Variants in GLDC observed in about 807,000 individuals in gnomAD.
GLDC encodes glycine dehydrogenase (decarboxylating), mitochondrial.
Under a neutral mutation model 121.3 loss-of-function variants are expected in GLDC, and 104 were observed. The ratio of observed to expected loss-of-function variants is 0.86; its 90% CI spans 0.73 to 1.01. The LOEUF (loss-of-function observed/expected upper bound fraction) is 1.01, where lower values mean the gene tolerates loss of function less well. Ranked by LOEUF, GLDC falls within the 50% of genes least tolerant of loss-of-function variation. The probability of loss-of-function intolerance (pLI) is 0.00; values close to 1 mark genes in which losing one functional copy is unlikely to be tolerated. For synonymous variants in GLDC, 546 were observed against 480.6 expected (o/e 1.14, Z -1.78); for missense variants, 1,429 against 1,306.6 (o/e 1.09, Z -1.44).
At chr9:6,631,341 G>A (rs1819373497) in intron 2 of GLDC, among the ~76,000 whole-genome samples, 1 of 152,188 alleles carries the variant, frequency 6.6e-6, no homozygotes, top group African/African-American at 2.4e-5. Flanking sequence ...AGCAGTCTCT[G>A]CAGCTCTTCC....
rs1318774431 is a variant in GLDC at position 6,532,802 on chromosome 9, G to A, written c.*215C>T. 3.6e-6 allele frequency: 2 copies of A among 562,728 alleles called. No individual in the cohort carries two copies. The highest frequency in any genetic ancestry group is 6.4e-6 in the Non-Finnish European group (2 of 312,760). The allele number at this position is 562,728 out of a possible 1,614,324, so 34.9% of individuals were successfully genotyped here. ...CTCCCAATCCAGGCAACTGGCACAT[G>A]TGGAAGCAGAATACCAAAGCAAATC... On this transcript the variant is annotated 3_prime_UTR_variant, in exon 25 of 25. Transcript: ENST00000321612.
chr9:6,563,460 C>G (rs1212911700), intron 16 of GLDC, among the ~76,000 whole-genome samples: 4 of 152,206 alleles, frequency 2.6e-5, no homozygotes, highest in Admixed American at 2.6e-4. Flanking sequence ...TCCCCAGGCT[C>G]CTGGGCACCT....
At chr9:6,586,725 G>A (rs1033039969) in intron 15 of GLDC, among the ~76,000 whole-genome samples, 33 of 152,284 alleles carry the variant, frequency 2.2e-4, no homozygotes, top group South Asian at 1.5e-3. Flanking sequence ...ATCTGGGCTC[G>A]CCTCGTGACT....
At chr9:6,617,942 T>C (rs989289748) in intron 3 of GLDC, among the ~76,000 whole-genome samples, 1 of 152,226 alleles carries the variant, frequency 6.6e-6, no homozygotes, top group African/African-American at 2.4e-5. Context: ...GGTTTTTACA[T>C]ATGTTAATCT....
intron 2 of GLDC, chr9:6,639,107 A>G (rs1005014282): frequency 1.4e-6 from 1 of 717,020 alleles, no homozygotes; most frequent in East Asian, 2.5e-5. Context: ...CTGCCTATTG[A>G]GAATTAATGA....
intron 8 of GLDC, among the ~76,000 whole-genome samples, chr9:6,600,281 T>A (rs941605575): frequency 6.6e-6 from 1 of 151,028 alleles, no homozygotes; most frequent in Non-Finnish European, 1.5e-5. Flanking sequence ...GACCGGAGAA[T>A]AATTTGAGCC....
Position 6,602,162 on chromosome 9 carries a change from T to C in GLDC, c.1102A>G (p.Arg368Gly). ...TTGTCTCTCCGAATGTGTTGCTCCC[T>C]GGTTTGAAGAGCAAGACGATACACT... is the stretch of plus-strand genomic sequence containing the variant. ...KEVYRLALQT[R>G]EQHIRRDKAT... The change falls in exon 8 of 25, where the codon AGG (arginine) becomes GGG (glycine). Residue 368 changes from arginine to glycine, a missense_variant. By Grantham distance (125) the Arg-to-Gly change is moderately radical. Coordinates refer to ENST00000321612, the MANE Select transcript of GLDC (RefSeq NM_000170.3). 1 of 1,613,578 alleles carries C rather than the reference T, an allele frequency of 6.2e-7. No individual in the cohort carries two copies. The highest frequency in any genetic ancestry group is 8.5e-7 in the Non-Finnish European group (1 of 1,179,552).
rs534812123 is a variant in GLDC, at chr9:6,628,671, G to A, written c.335-8352C>T. 3.9e-5 allele frequency among the ~76,000 whole-genome samples: 6 copies of A among 152,322 alleles called. No homozygotes were observed. In the South Asian group the frequency reaches 1.2e-3, roughly 32 times the overall value. On this transcript the variant is annotated intron_variant, in intron 2 of 24. Transcript: ENST00000321612. ...CAGGAGGATTGCTTGAGCCTGGGAG[G>A]TGGAGGCTGCAGTGAGCAGTGATTG... is the stretch of plus-strand genomic sequence containing the variant.
At chr9:6,544,129 G>A (rs1361110185) in intron 21 of GLDC, among the ~76,000 whole-genome samples, 1 of 152,232 alleles carries the variant, frequency 6.6e-6, no homozygotes, top group Non-Finnish European at 1.5e-5. Context: ...GGAAAGCTCT[G>A]CTGGGCAATC....
intron 2 of GLDC, among the ~76,000 whole-genome samples, chr9:6,625,257 A>G (rs1434815435): frequency 6.6e-6 from 1 of 151,994 alleles, no homozygotes; most frequent in African/African-American, 2.4e-5. Flanking sequence ...CAGCCCAAAG[A>G]TTTGCACTGA....
At chr9:6,642,740 A>T (rs2773508) in intron 2 of GLDC, among the ~76,000 whole-genome samples, 45,377 of 151,832 alleles carry the variant, frequency 0.3, 7,377 homozygotes, top group East Asian at 0.53. Flanking sequence ...TAGAGTATAT[A>T]TATTATAAAA....
chr9:6,553,227 G>T (rs1220413789), intron 20 of GLDC, 141 bp downstream of exon 20: 1 of 742,034 alleles, frequency 1.3e-6, no homozygotes, highest in Non-Finnish European at 2.3e-6. Context: ...CTTCCACCCA[G>T]GCCATCAGCA....
At chr9:6,599,149 A>T (rs1299254844) in intron 8 of GLDC, among the ~76,000 whole-genome samples, 1 of 150,958 alleles carries the variant, frequency 6.6e-6, no homozygotes, top group Non-Finnish European at 1.5e-5. Flanking sequence ...ACGCCATTGC[A>T]CTCCAGCCTG....
intron 16 of GLDC, among the ~76,000 whole-genome samples, chr9:6,562,667 C>T (rs896752880): frequency 5.9e-5 from 9 of 152,180 alleles, no homozygotes; most frequent in Non-Finnish European, 1.0e-4. Flanking sequence ...TCAAGTGATT[C>T]TCCTGCCTCA....
At chr9:6,620,091 G>T (rs1366083386) in intron 3 of GLDC, 93 bp downstream of exon 3, 1 of 1,257,086 alleles carries the variant, frequency 8.0e-7, no homozygotes, top group Non-Finnish European at 1.2e-6. Context: ...GGGTGTCAGT[G>T]TGGAGGCTCT....
chr9:6,617,808 A>G (rs114211366), intron 3 of GLDC, among the ~76,000 whole-genome samples: 3,739 of 152,340 alleles, frequency 0.025, 158 homozygotes, highest in African/African-American at 0.085. Flanking sequence ...ACAAAGATGC[A>G]AAGTGTTTAT....
chr9:6,553,014 C>T (rs1396922063), intron 20 of GLDC, among the ~76,000 whole-genome samples: 2 of 151,976 alleles, frequency 1.3e-5, no homozygotes, highest in Non-Finnish European at 2.9e-5. Flanking sequence ...CTGCTTTTCA[C>T]TCGGAAGGGG....
At chr9:6,565,972 T>C (rs1456412727) in intron 15 of GLDC, 2 of 194,356 alleles carry the variant, frequency 1.0e-5, no homozygotes, top group African/African-American at 2.4e-5. Context: ...CCGGGTGCAA[T>C]GGCTCATGCC....
chr9:6,595,628 A>G (rs1343950104), intron 8 of GLDC, among the ~76,000 whole-genome samples: 6 of 152,334 alleles, frequency 3.9e-5, no homozygotes, highest in Non-Finnish European at 8.8e-5. Context: ...CTGCCAACCA[A>G]GAGTTGAATG....
Sources: allele counts gnomAD v4.1 joint callset (sites outside exome capture counted in the v4.1 genomes callset), GRCh38; gene constraint gnomAD v4.1.1; transcripts MANE v1.5; gene names NCBI Gene and HGNC (gene_info 2026-07-23, HGNC 2026-07-21).